Variants in MAFG observed in about 807,000 individuals in gnomAD.
MAFG encodes transcription factor MafG.
In MAFG, 3 loss-of-function variants were observed where a neutral mutation model predicts 12.2. The observed-to-expected ratio is 0.25, with a 90% CI of 0.11 to 0.64. MAFG has a LOEUF of 0.64. Ranked by LOEUF, MAFG falls within the 30% of genes least tolerant of loss-of-function variation. The pLI is 0.85. For synonymous variants in MAFG, 126 were observed against 109.1 expected, an observed-to-expected ratio of 1.15 and a Z score of -0.96; for missense variants, 153 against 235.5, an observed-to-expected ratio of 0.65 and a Z score of 2.29.
rs762755496 is a variant in MAFG at position 81,922,597 on chromosome 17, G to A, written c.*8C>T. The A allele has an allele frequency of 1.9e-5, 28 of 1,457,220 alleles. No homozygotes were observed. The highest frequency in any genetic ancestry group is 1.5e-4 in the Admixed American group (5 of 34,306). 90.3% of individuals were successfully genotyped at this position (1,457,220 alleles called of 1,614,324 possible). ...CCCGCAAAGACCCGCCTGGGCAGAC[G>A]CGCGTCCCTACGATCGGGCATCCGT... On this transcript the variant is annotated 3_prime_UTR_variant, in exon 3 of 3. Coordinates refer to ENST00000357736, the MANE Select transcript of MAFG (RefSeq NM_002359.4).
Position 81,921,529 on chromosome 17 carries a change from GGA to G in MAFG, c.*1074_*1075del, listed in dbSNP as rs2040889093. 6.6e-6 allele frequency: 1 copy of G among 151,850 alleles called. No individual in the cohort carries two copies. The highest frequency in any genetic ancestry group is 1.5e-5 in the Non-Finnish European group (1 of 67,986). 9.4% of individuals were successfully genotyped at this position (151,850 alleles called of 1,614,324 possible). A position where few individuals can be genotyped will look rare whatever the true frequency, so the allele number is the denominator to read the frequency against. On this transcript the variant is annotated 3_prime_UTR_variant, in exon 3 of 3. Transcript: ENST00000357736. The stretch of plus-strand genomic sequence containing the variant: ...GTACAATTGCAAAAGATATCAAAGA[GGA>G]CGGCCTTCTGGTCGGCTCACGGCTT...
In MAFG at chr17:81,924,965, G is replaced by A. The variant is rs997765189; in HGVS notation, c.-29-1751C>T. ...GCCTCCTCGACAGATTTTGCCCTCCGCAGAAGGCCTGAACTCAGCACAAGT... is the reference window on the plus strand; with the variant it reads ...GCCTCCTCGACAGATTTTGCCCTCCACAGAAGGCCTGAACTCAGCACAAGT... On this transcript the variant is annotated intron_variant, in intron 1 of 2. Coordinates refer to ENST00000357736, the MANE Select transcript of MAFG (RefSeq NM_002359.4). This position sits in a 1 kb window ranked among gnomAD's most constrained non-coding sequence, Gnocchi z 4.7. Among the ~76,000 whole-genome samples the A allele has an allele frequency of 1.3e-5, 2 of 152,134 alleles. No homozygotes were observed. Among genetic ancestry groups the A allele is most frequent in the African/African-American group, 2.4e-5 (1 of 41,422 alleles).
At chr17:81,928,113 C>T (rs1409969914), upstream of MAFG, 4 of 152,138 alleles carry the variant, frequency 2.6e-5, no homozygotes, top group African/African-American at 7.2e-5. The surrounding 1 kb of genome is among the most constrained non-coding windows in gnomAD (Gnocchi z 8.1). Flanking sequence ...GGCAGAGGCG[C>T]TCTTGCGTCA....
upstream of MAFG, chr17:81,929,987 T>A (rs2040973011): frequency 6.8e-6 from 1 of 146,600 alleles, no homozygotes; most frequent in South Asian, 1.8e-4. The surrounding 1 kb of genome is among the most constrained non-coding windows in gnomAD (Gnocchi z 5.7). Context: ...GGCTGCACCT[T>A]CTGTGGGACT....
upstream of MAFG, chr17:81,928,188 G>C (rs2040958796): frequency 6.6e-6 from 1 of 152,210 alleles, no homozygotes; most frequent in Non-Finnish European, 1.5e-5. This position sits in a 1 kb window ranked among gnomAD's most constrained non-coding sequence, Gnocchi z 8.1. Flanking sequence ...GGGCGGGGAC[G>C]GCCTGGCAGC....
At position 81,927,621 on chromosome 17, in the gene MAFG, G is replaced by A. The variant is rs2040952504; in HGVS notation, c.-123C>T. Reference sequence around the variant, plus strand: ...GCAGGGACCGGCGCGAGGGGTCCGGGCCCGGGGCTCGGAGGACTCGCCGCC... The same window carrying A: ...GCAGGGACCGGCGCGAGGGGTCCGGACCCGGGGCTCGGAGGACTCGCCGCC... On this transcript the variant is annotated 5_prime_UTR_variant, in exon 1 of 3. Transcript: ENST00000357736. The A allele has an allele frequency of 2.0e-5, 3 of 147,266 alleles. No individual in the cohort carries two copies. The highest frequency in any genetic ancestry group is 4.5e-5 in the Non-Finnish European group (3 of 66,166). The allele number at this position is 147,266 out of a possible 1,614,324, so 9.1% of individuals were successfully genotyped here.
Position 81,924,059 on chromosome 17 carries a change from C to T in MAFG, c.-29-845G>A, listed in dbSNP as rs1161191789. ...CCTCCTCCACTGATGGAGTAACCAT[C>T]CTGTGGCTTTGGGTTGCAGGAAGCA... On this transcript the variant is annotated intron_variant, in intron 1 of 2. Transcript: ENST00000357736. This position sits in a 1 kb window ranked among gnomAD's most constrained non-coding sequence, Gnocchi z 4.7. 1 of 152,318 alleles carries T rather than the reference C, an allele frequency of 6.6e-6. No individual in the cohort carries two copies. The highest frequency in any genetic ancestry group is 1.5e-5 in the Non-Finnish European group (1 of 68,094). The allele number at this position is 152,318 out of a possible 1,614,324, so 9.4% of individuals were successfully genotyped here. A position where few individuals can be genotyped will look rare whatever the true frequency, so the allele number is the denominator to read the frequency against.
At chr17:81,930,911 A>G (rs2040980575), upstream of MAFG, among the ~76,000 whole-genome samples, 1 of 152,164 alleles carries the variant, frequency 6.6e-6, no homozygotes, top group South Asian at 2.1e-4. This position sits in a 1 kb window ranked among gnomAD's most constrained non-coding sequence, Gnocchi z 4.1. Context: ...TCTTGGCAGG[A>G]TCCTTGGGTC....
intron 1 of MAFG, among the ~76,000 whole-genome samples, chr17:81,925,024 G>T (rs879499272): frequency 1.3e-5 from 2 of 152,240 alleles, no homozygotes; most frequent in Non-Finnish European, 2.9e-5. Flanking sequence ...GGTGCGCCGG[G>T]GGGTGGGGGA....
In MAFG at chr17:81,920,074, G is replaced by A. The variant is rs899895122; in HGVS notation, c.*2531C>T. On this transcript the variant is annotated 3_prime_UTR_variant, in exon 3 of 3. Coordinates refer to ENST00000357736, the MANE Select transcript of MAFG (RefSeq NM_002359.4). Reference sequence around the variant, plus strand: ...AAAGTGGGGGCTGCACAAGGACAAGGAGGGCCTGTTTCTCCCCACTCCGAG... The same window carrying A: ...AAAGTGGGGGCTGCACAAGGACAAGAAGGGCCTGTTTCTCCCCACTCCGAG... The A allele has an allele frequency of 2.0e-5, 3 of 152,208 alleles. No individual in the cohort carries two copies. Among genetic ancestry groups the A allele is most frequent in the South Asian group, 4.1e-4 (2 of 4,830 alleles). The allele number at this position is 152,208 out of a possible 1,614,324, so 9.4% of individuals were successfully genotyped here.
intron 1 of MAFG, among the ~76,000 whole-genome samples, chr17:81,923,882 C>T (rs574809174): frequency 1.6e-4 from 25 of 152,358 alleles, no homozygotes; most frequent in African/African-American, 6.0e-4. Flanking sequence ...CCCCGAGTCT[C>T]CCAGCCTCCT....
chr17:81,923,043 C>G lies in MAFG; in HGVS notation c.51G>C (p.Pro17=). ...GNKALKVKRE[P]GENGTSLTDE... is the part of the protein sequence containing the mutation. ...CCGTCAGGCTGGTGCCATTCTCACC[C>G]GGCTCCCGCTTCACCTGGGGCACAG... Residue 17 remains proline, a synonymous_variant, in exon 3 of 3, where the codon CCG becomes CCC. Coordinates refer to ENST00000357736, the MANE Select transcript of MAFG (RefSeq NM_002359.4). 6.3e-7 allele frequency: 1 copy of G among 1,599,092 alleles called. No individual in the cohort carries two copies.
Position 81,919,042 on chromosome 17 carries a change from T to A in MAFG, c.*3563A>T, listed in dbSNP as rs182609229. On this transcript the variant is annotated 3_prime_UTR_variant, in exon 3 of 3. Transcript: ENST00000357736. ...GACACGCCCTGCCTCTGTGTGGCAC[T>A]GATTATGTACTCTACTCTCCCGACC... 1 of 152,362 alleles carries A rather than the reference T, an allele frequency of 6.6e-6. No individual in the cohort carries two copies. The highest frequency in any genetic ancestry group is 1.9e-4 in the East Asian group (1 of 5,186). The allele number at this position is 152,362 out of a possible 1,614,324, so 9.4% of individuals were successfully genotyped here.
chr17:81,927,711 C>A lies in MAFG; in HGVS notation c.-213G>T, dbSNP rs913451925. The A allele has an allele frequency of 1.3e-5, 2 of 152,826 alleles. No homozygotes were observed. The highest frequency in any genetic ancestry group is 3.6e-4 in the South Asian group (2 of 5,490). 9.5% of individuals were successfully genotyped at this position (152,826 alleles called of 1,614,324 possible). A position where few individuals can be genotyped will look rare whatever the true frequency, so the allele number is the denominator to read the frequency against. ...GACCAGGCTCGGGATCCGCCGCCGC[C>A]GCCGCCGCTCCACAGACGTCACATG... is the stretch of plus-strand genomic sequence containing the variant. On this transcript the variant is annotated 5_prime_UTR_variant, in exon 1 of 3. Transcript: ENST00000357736.
upstream of MAFG, chr17:81,928,450 G>C (rs1193175634): frequency 6.6e-6 from 1 of 152,046 alleles, no homozygotes. The surrounding 1 kb of genome is among the most constrained non-coding windows in gnomAD (Gnocchi z 8.1). Flanking sequence ...CAGCAGGTGA[G>C]CGGGGAGGAA....
chr17:81,922,212 CG>C lies in MAFG; in HGVS notation c.*392del, dbSNP rs758597287. 6 of 157,790 alleles carry C rather than the reference CG, an allele frequency of 3.8e-5. No homozygotes were observed. Among genetic ancestry groups the C allele is most frequent in the Non-Finnish European group, 6.9e-5 (5 of 72,038 alleles). 9.8% of individuals were successfully genotyped at this position (157,790 alleles called of 1,614,324 possible). On this transcript the variant is annotated 3_prime_UTR_variant, in exon 3 of 3. Transcript: ENST00000357736. ...CCCAGCCCGCGAGCCTGTGGCCACT[CG>C]GGAGTGGAGGGAACACTGGGACCCT...
In MAFG at chr17:81,922,726, C is replaced by T. The variant is rs1441224572; in HGVS notation, c.368G>A (p.Arg123His). The T allele has an allele frequency of 5.1e-6, 8 of 1,563,984 alleles. No individual in the cohort carries two copies. The highest frequency in any genetic ancestry group is 4.6e-5 in the East Asian group (2 of 43,102). Reference sequence around the variant, plus strand: ...GCCCCGGGCTGGCGCCACGGGGCTGCGGGCCACCGTCCGGGCGAAGGTCTG... The same window carrying T: ...GCCCCGGGCTGGCGCCACGGGGCTGTGGGCCACCGTCCGGGCGAAGGTCTG... ...ALQTFARTVARSPVAPARGPL... is the reference protein window; with the variant it reads ...ALQTFARTVAHSPVAPARGPL... Residue 123 changes from arginine to histidine, a missense_variant, in exon 3 of 3, where the codon CGC becomes CAC. Arg to His is a conservative substitution (Grantham distance 29, BLOSUM62 0). Around this residue, in one of 3 missense-constraint regions of MAFG, gnomAD observed 81 missense variants for 94.7 expected, o/e 0.86. Coordinates refer to ENST00000357736, the MANE Select transcript of MAFG (RefSeq NM_002359.4).
intron 1 of MAFG, among the ~76,000 whole-genome samples, chr17:81,927,319 CAGG>C (rs932774603): frequency 2.0e-5 from 3 of 151,340 alleles, no homozygotes; most frequent in African/African-American, 7.3e-5. Context: ...GCGCCAGGGG[CAGG>C]AGGAGCTGGC....
In MAFG at chr17:81,922,600, C is replaced by T. The variant is rs754422462; in HGVS notation, c.*5G>A. ...GCAAAGACCCGCCTGGGCAGACGCG[C>T]GTCCCTACGATCGGGCATCCGTCTT... is the stretch of plus-strand genomic sequence containing the variant. On this transcript the variant is annotated 3_prime_UTR_variant, in exon 3 of 3. Coordinates refer to ENST00000357736, the MANE Select transcript of MAFG (RefSeq NM_002359.4). The T allele has an allele frequency of 1.2e-5, 17 of 1,460,698 alleles. No individual in the cohort carries two copies. In the East Asian group the frequency reaches 2.0e-4, roughly 17 times the overall value. The allele number at this position is 1,460,698 out of a possible 1,614,324, so 90.5% of individuals were successfully genotyped here.
Sources: allele counts gnomAD v4.1 joint callset (sites outside exome capture counted in the v4.1 genomes callset), GRCh38; gene constraint gnomAD v4.1.1; regional missense constraint gnomAD v4.1.1; non-coding constraint Gnocchi (gnomAD v3.1); transcripts MANE v1.5; gene names NCBI Gene and HGNC (gene_info 2026-07-23, HGNC 2026-07-21).